Variants in PDE10A observed in about 807,000 individuals in gnomAD.
The protein encoded by PDE10A is cAMP and cAMP-inhibited cGMP 3',5'-cyclic phosphodiesterase 10A.
PDE10A carries 39 observed loss-of-function variants against 97.7 expected under a neutral mutation model. That is an observed-to-expected ratio of 0.40 (90% CI 0.31 to 0.52). The LOEUF (loss-of-function observed/expected upper bound fraction) is 0.52. Among genes scored for constraint, PDE10A ranks in the 20% least tolerant of loss-of-function variants. The pLI is 0.56. For missense variants in PDE10A, 731 were observed against 1,047.8 expected (o/e 0.70, Z 4.17); for synonymous variants, 371 against 376.8 (o/e 0.98, Z 0.18).
At chr6:165,659,235 T>C (rs1487995990) in intron 1 of PDE10A, among the ~76,000 whole-genome samples, 1 of 152,044 alleles carries the variant, frequency 6.6e-6, no homozygotes, top group African/African-American at 2.4e-5. Flanking sequence ...AAACAGCCTT[T>C]ACGTGACAAC....
chr6:165,951,132 T>A (rs1180594083), intron 1 of PDE10A, among the ~76,000 whole-genome samples: 7 of 152,204 alleles, frequency 4.6e-5, no homozygotes, highest in Non-Finnish European at 8.8e-5. Context: ...TTTAGGGATG[T>A]CAGCTGGGGA....
chr6:165,740,894 T>C (rs185475214), intron 1 of PDE10A, among the ~76,000 whole-genome samples: 86 of 152,306 alleles, frequency 5.6e-4, no homozygotes, highest in Admixed American at 1.3e-3. Flanking sequence ...TGGGGAGATG[T>C]TGGTCAAAGC....
At chr6:165,606,682 C>G (rs1284597889) in intron 1 of PDE10A, among the ~76,000 whole-genome samples, 2 of 151,948 alleles carry the variant, frequency 1.3e-5, no homozygotes, top group African/African-American at 4.8e-5. Context: ...GTAAGTGTAC[C>G]AGGTATAGCA....
chr6:165,705,277 G>A (rs146676524), intron 1 of PDE10A, among the ~76,000 whole-genome samples: 144 of 152,342 alleles, frequency 9.5e-4, no homozygotes, highest in East Asian at 4.2e-3. Context: ...AAATCCCTCC[G>A]AAAGGAGCAC....
In PDE10A at chr6:165,331,866, AAGAAG is replaced by A. The variant is rs1346877621; in HGVS notation, c.*1154_*1158del. 2 of 152,202 alleles carry A rather than the reference AAGAAG, an allele frequency of 1.3e-5. No individual in the cohort carries two copies. Among genetic ancestry groups the A allele is most frequent in the Non-Finnish European group, 2.9e-5 (2 of 68,018 alleles). 9.4% of individuals were successfully genotyped at this position (152,202 alleles called of 1,614,324 possible). A position where few individuals can be genotyped will look rare whatever the true frequency, so the allele number is the denominator to read the frequency against. Reference sequence around the variant, plus strand: ...CTGTGAGAAGAGTAAAGAGAACAGAAAGAAGGTCCAACATGATTGTACTACTTTCT... The same window carrying A: ...CTGTGAGAAGAGTAAAGAGAACAGAAGTCCAACATGATTGTACTACTTTCT... On this transcript the variant is annotated 3_prime_UTR_variant, in exon 22 of 22. Transcript: ENST00000539869.
intron 1 of PDE10A, among the ~76,000 whole-genome samples, chr6:165,648,938 C>T (rs1789542612): frequency 6.6e-6 from 1 of 152,196 alleles, no homozygotes; most frequent in African/African-American, 2.4e-5. Context: ...TTCTCCTCAC[C>T]CATCCCCATC....
At chr6:165,899,521 GGCAGAGAGA>G (rs1328843038) in intron 1 of PDE10A, among the ~76,000 whole-genome samples, 2 of 152,194 alleles carry the variant, frequency 1.3e-5, no homozygotes, top group African/African-American at 2.4e-5. Context: ...CCAGGCTAGT[GGCAGAGAGA>G]TGTTTTGCAA....
At chr6:165,833,541 G>A (rs1458405301) in intron 1 of PDE10A, among the ~76,000 whole-genome samples, 3 of 152,254 alleles carry the variant, frequency 2.0e-5, no homozygotes, top group Non-Finnish European at 4.4e-5. Flanking sequence ...GCATGCCCCA[G>A]GGCGTAGCAG....
chr6:165,503,905 C>G (rs541349420), intron 2 of PDE10A, among the ~76,000 whole-genome samples: 2 of 152,092 alleles, frequency 1.3e-5, no homozygotes, highest in Non-Finnish European at 2.9e-5. Flanking sequence ...AATAAGATTA[C>G]GTAATAAATT....
chr6:165,430,071 T>A (rs1789444427), intron 9 of PDE10A, among the ~76,000 whole-genome samples: 2 of 152,042 alleles, frequency 1.3e-5, no homozygotes, highest in South Asian at 2.1e-4. Context: ...AAAATTAACA[T>A]CATCACATAT....
intron 18 of PDE10A, among the ~76,000 whole-genome samples, chr6:165,365,894 G>A (rs1783740709): frequency 1.3e-5 from 2 of 151,926 alleles, no homozygotes; most frequent in African/African-American, 4.8e-5. Flanking sequence ...GTACAAAAAA[G>A]ACAACTATAT....
intron 1 of PDE10A, among the ~76,000 whole-genome samples, chr6:165,599,674 A>G (rs1046275799): frequency 6.6e-6 from 1 of 152,156 alleles, no homozygotes; most frequent in Non-Finnish European, 1.5e-5. Flanking sequence ...TATTTTTGTT[A>G]TTATCATGTG....
chr6:165,492,377 T>C (rs549924927), intron 2 of PDE10A, among the ~76,000 whole-genome samples: 5 of 152,132 alleles, frequency 3.3e-5, no homozygotes, highest in Admixed American at 6.5e-5. Flanking sequence ...ATCACCCAGA[T>C]AGCAAACCCA....
chr6:165,474,593 A>T (rs1452014095), intron 3 of PDE10A, among the ~76,000 whole-genome samples: 1 of 152,208 alleles, frequency 6.6e-6, no homozygotes, highest in Non-Finnish European at 1.5e-5. Context: ...CCCACCATTT[A>T]CATGGGTACA....
Position 165,971,139 on chromosome 6 carries a change from CA to C in PDE10A, c.-615+16389del, listed in dbSNP as rs561166750. The stretch of plus-strand genomic sequence containing the variant: ...CTCCAGCCTAGGCAACAGAGGGAGA[CA>C]AAAAAAAAAAGGAAACTTCCAATTT... On this transcript the variant is annotated intron_variant, in intron 1 of 19. Coordinates refer to the PDE10A transcript ENST00000366882. Among the ~76,000 whole-genome samples, 210 of 140,164 alleles carry C rather than the reference CA, an allele frequency of 1.5e-3. 1 individual carries two copies. The highest frequency in any genetic ancestry group is 4.1e-3 in the East Asian group (19 of 4,654). The allele number at this position is 140,164 out of a possible 152,430, so 92.0% of individuals were successfully genotyped here. A position where few individuals can be genotyped will look rare whatever the true frequency, so the allele number is the denominator to read the frequency against.
intron 1 of PDE10A, among the ~76,000 whole-genome samples, chr6:165,935,331 CAAAG>C (rs1783288280): frequency 6.6e-6 from 1 of 152,180 alleles, no homozygotes; most frequent in African/African-American, 2.4e-5. Flanking sequence ...CAGAGATAAT[CAAAG>C]AACTGGAAGT....
intron 13 of PDE10A, among the ~76,000 whole-genome samples, chr6:165,407,299 CCAG>C (rs1440431748): frequency 5.3e-5 from 8 of 152,152 alleles, no homozygotes; most frequent in Admixed American, 1.3e-4. Flanking sequence ...AGCACGGGGA[CCAG>C]TCTGCATGCA....
chr6:165,362,744 T>C (rs2128194000), intron 18 of PDE10A, among the ~76,000 whole-genome samples: 1 of 152,178 alleles, frequency 6.6e-6, no homozygotes, highest in African/African-American at 2.4e-5. Flanking sequence ...GACACCAAAA[T>C]AAGACAAATA....
At chr6:165,361,655 A>G (rs1386250462) in intron 18 of PDE10A, among the ~76,000 whole-genome samples, 6 of 152,188 alleles carry the variant, frequency 3.9e-5, no homozygotes, top group Non-Finnish European at 8.8e-5. Flanking sequence ...GGGAATACAG[A>G]GACACACAGG....
Sources: allele counts gnomAD v4.1 joint callset (sites outside exome capture counted in the v4.1 genomes callset), GRCh38; gene constraint gnomAD v4.1.1; transcripts MANE v1.5; gene names NCBI Gene and HGNC (gene_info 2026-07-23, HGNC 2026-07-21).